The following CNGB3 variants were observed in gnomAD, a reference collection of about 807,000 sequenced individuals.
CNGB3 encodes cyclic nucleotide-gated channel beta-3.
CNGB3 carries 86 observed loss-of-function variants against 92.8 expected under a neutral mutation model. The observed-to-expected ratio is 0.93, with a 90% CI of 0.78 to 1.11. CNGB3 has a LOEUF of 1.11. Ranked by LOEUF, CNGB3 falls within the 50% of genes least tolerant of loss-of-function variation. The pLI is 0.00. For synonymous variants in CNGB3, 333 were observed against 332.7 expected, an observed-to-expected ratio of 1.00 and a Z score of -0.01; for missense variants, 1,026 against 956.8, an observed-to-expected ratio of 1.07 and a Z score of -0.95.
intron 7 of CNGB3, among the ~76,000 whole-genome samples, chr8:86,652,629 C>A (rs1181593494): frequency 1.3e-5 from 2 of 151,786 alleles, no homozygotes; most frequent in African/African-American, 4.8e-5. Context: ...GACACAAGCA[C>A]ACAAATTAGC....
chr8:86,578,243 A>G (rs1821695936), intron 17 of CNGB3, among the ~76,000 whole-genome samples: 2 of 152,306 alleles, frequency 1.3e-5, no homozygotes, highest in South Asian at 4.1e-4. Flanking sequence ...GAGCTGAAAC[A>G]AGAAAGGAGA....
At chr8:86,631,558 A>C (rs1226484787) in intron 11 of CNGB3, among the ~76,000 whole-genome samples, 1 of 152,182 alleles carries the variant, frequency 6.6e-6, no homozygotes, top group Non-Finnish European at 1.5e-5. Flanking sequence ...CGTTGATTTT[A>C]CTAGAAATTA....
chr8:86,672,930 A>T (rs1326328645), intron 3 of CNGB3, among the ~76,000 whole-genome samples: 2 of 152,254 alleles, frequency 1.3e-5, no homozygotes, highest in Non-Finnish European at 2.9e-5. Flanking sequence ...AACATAGTTC[A>T]GATTCATCTT....
intron 3 of CNGB3, among the ~76,000 whole-genome samples, chr8:86,708,623 A>C (rs1824694210): frequency 7.7e-6 from 1 of 129,094 alleles, no homozygotes; most frequent in Admixed American, 9.5e-5. Context: ...GCTGGAGTTC[A>C]GTGGCATGAT....
intron 10 of CNGB3, among the ~76,000 whole-genome samples, chr8:86,637,050 A>T (rs1398045545): frequency 1.3e-5 from 2 of 152,192 alleles, no homozygotes; most frequent in Non-Finnish European, 2.9e-5. Flanking sequence ...TATTGCGAAT[A>T]ATGCTGCAAT....
In CNGB3 at chr8:86,707,999, G is replaced by C. The variant is rs1348428124; in HGVS notation, c.338+18532C>G. The C allele has an allele frequency of 2.6e-5, 4 of 152,290 alleles. No homozygotes were observed. The South Asian group carries it at 8.3e-4, about 32-fold the overall frequency. 9.4% of individuals were successfully genotyped at this position (152,290 alleles called of 1,614,324 possible). On this transcript the variant is annotated intron_variant, in intron 3 of 17. Transcript: ENST00000320005. ...GGAGGAGTGGGTCTGAAAGAGGTAA[G>C]GGAAATTAAGAGTTGGTTTTGGACA...
In CNGB3 at chr8:86,611,675, T is replaced by C; in HGVS notation, c.1579-4A>G. The C allele has an allele frequency of 6.3e-7, 1 of 1,599,772 alleles. No homozygotes were observed. Among genetic ancestry groups the C allele is most frequent in the Non-Finnish European group, 8.6e-7 (1 of 1,167,534 alleles). Reference sequence around the variant, plus strand: ...AAATCATCTGTGTATCACAACCCTATATAAAAAGAAAAATAATTCTTATAG... The same window carrying C: ...AAATCATCTGTGTATCACAACCCTACATAAAAAGAAAAATAATTCTTATAG... On this transcript the variant is annotated splice_region_variant and splice_polypyrimidine_tract_variant and intron_variant, in intron 13 of 17. Coordinates refer to ENST00000320005, the MANE Select transcript of CNGB3 (RefSeq NM_019098.5).
intron 2 of CNGB3, among the ~76,000 whole-genome samples, chr8:86,733,223 T>G (rs1443186181): frequency 6.6e-6 from 1 of 152,130 alleles, no homozygotes; most frequent in Non-Finnish European, 1.5e-5. Flanking sequence ...GTCAATTTGT[T>G]TAAGATAATG....
intron 13 of CNGB3, among the ~76,000 whole-genome samples, chr8:86,615,696 TC>T (rs1211649679): frequency 1.9e-4 from 29 of 152,124 alleles, no homozygotes; most frequent in Non-Finnish European, 1.6e-4. Context: ...AATAGTGTGG[TC>T]TGAATATAGA....
At position 86,725,889 on chromosome 8, in the gene CNGB3, C is replaced by T. The variant is rs371618517; in HGVS notation, c.338+642G>A. ...TATAGTTAAGCCATTTTAACTGGAT[C>T]GGCAGGTACATAATACCATGCCAAG... On this transcript the variant is annotated intron_variant, in intron 3 of 17. Coordinates refer to ENST00000320005, the MANE Select transcript of CNGB3 (RefSeq NM_019098.5). 3.9e-4 allele frequency among the ~76,000 whole-genome samples: 60 copies of T among 152,252 alleles called. No homozygotes were observed. In the East Asian group the frequency reaches 5.4e-3, roughly 14 times the overall value.
chr8:86,735,713 T>C (rs191817572), intron 2 of CNGB3, among the ~76,000 whole-genome samples: 2 of 152,314 alleles, frequency 1.3e-5, no homozygotes, highest in African/African-American at 4.8e-5. Context: ...CTTGATTACA[T>C]TGGGGTTACC....
At position 86,625,969 on chromosome 8, in the gene CNGB3, G is replaced by T; in HGVS notation, c.1578+14C>A. 1 of 1,599,286 alleles carries T rather than the reference G, an allele frequency of 6.3e-7. No individual in the cohort carries two copies. The highest frequency in any genetic ancestry group is 8.6e-7 in the Non-Finnish European group (1 of 1,167,180). On this transcript the variant is annotated intron_variant, in intron 13 of 17. Transcript: ENST00000320005. The stretch of plus-strand genomic sequence containing the variant: ...GAAATAGATACAGAGTCTATTAATT[G>T]TAAAAGCACTTGCCTTGAACAAGTC...
chr8:86,594,061 C>T (rs528823844), intron 15 of CNGB3: 32 of 345,148 alleles, frequency 9.3e-5, no homozygotes, highest in African/African-American at 6.4e-4. Flanking sequence ...CTAATACATG[C>T]CCAGTTTTGT....
Position 86,574,543 on chromosome 8 carries a change from G to T in CNGB3, c.*1261C>A, listed in dbSNP as rs1373431780. ...TTATTATAGTGATTGATTTGTACAT[G>T]GTTTGCTAAATGCATCTATGTTGTA... On this transcript the variant is annotated 3_prime_UTR_variant, in exon 18 of 18. Transcript: ENST00000320005. 1 of 152,122 alleles carries T rather than the reference G, an allele frequency of 6.6e-6. No homozygotes were observed. Among genetic ancestry groups the T allele is most frequent in the African/African-American group, 2.4e-5 (1 of 41,390 alleles). 9.4% of individuals were successfully genotyped at this position (152,122 alleles called of 1,614,324 possible).
chr8:86,669,042 T>A (rs1029449852), intron 4 of CNGB3, among the ~76,000 whole-genome samples: 1 of 152,018 alleles, frequency 6.6e-6, no homozygotes, highest in African/African-American at 2.4e-5. Flanking sequence ...TAAGATTAAA[T>A]AAATATATAA....
chr8:86,649,291 T>G (rs1417582580), intron 7 of CNGB3, among the ~76,000 whole-genome samples: 2 of 151,410 alleles, frequency 1.3e-5, no homozygotes, highest in African/African-American at 4.8e-5. Context: ...AATACCAACT[T>G]TTTTTTCACA....
At chr8:86,718,399 C>T (rs551236390) in intron 3 of CNGB3, among the ~76,000 whole-genome samples, 3 of 152,150 alleles carry the variant, frequency 2.0e-5, no homozygotes, top group South Asian at 4.1e-4. Flanking sequence ...CCTTTACACA[C>T]ATAAACTAGA....
chr8:86,616,700 A>C (rs987797542), intron 13 of CNGB3, among the ~76,000 whole-genome samples: 1 of 152,160 alleles, frequency 6.6e-6, no homozygotes, highest in Non-Finnish European at 1.5e-5. Context: ...TATTTATACT[A>C]TGTTTTACTG....
chr8:86,683,643 T>C (rs1016877674), intron 3 of CNGB3, among the ~76,000 whole-genome samples: 1 of 152,162 alleles, frequency 6.6e-6, no homozygotes. Context: ...CTTGATTGGT[T>C]ATCTACTGCT....
Sources: gnomAD v4.1 joint callset for allele counts (sites outside exome capture counted in the v4.1 genomes callset) on GRCh38, gnomAD v4.1.1 for gene constraint, MANE v1.5 for transcripts, NCBI Gene and HGNC (gene_info 2026-07-23, HGNC 2026-07-21) for gene names.